ALOXE3: variants seen among roughly 807,000 people sequenced by gnomAD.
The protein encoded by ALOXE3 is arachidonate epidermal lipoxygenase 3.
ALOXE3 carries 78 observed loss-of-function variants against 87.5 expected under a neutral mutation model. The observed-to-expected ratio is 0.89, with a 90% CI of 0.74 to 1.08. The LOEUF is 1.08. ALOXE3 is among the 50% of genes least tolerant of loss of function. The pLI is 0.00. For synonymous variants in ALOXE3, 363 were observed against 370.8 expected, an observed-to-expected ratio of 0.98 and a Z score of 0.24; for missense variants, 946 against 912.4, an observed-to-expected ratio of 1.04 and a Z score of -0.47.
At chr17:8,105,367 A>G (rs1321674283) in intron 13 of ALOXE3, among the ~76,000 whole-genome samples, 4 of 152,180 alleles carry the variant, frequency 2.6e-5, no homozygotes, top group African/African-American at 9.7e-5. Flanking sequence ...CTACTAATGC[A>G]TCAGCTCCTG....
At chr17:8,117,285 TG>T (rs1267359478) in intron 2 of ALOXE3, among the ~76,000 whole-genome samples, 3 of 152,188 alleles carry the variant, frequency 2.0e-5, no homozygotes, top group Non-Finnish European at 1.5e-5. Context: ...TCGGGCGTCG[TG>T]GCAGGCGCCT....
rs536180428 is a variant in ALOXE3 at position 8,108,607 on chromosome 17, T to C, written c.1563-18A>G. Reference sequence around the variant, plus strand: ...AGACAAAGCTGCAGGAAAGAGATGCTGGTACCACTGGAGTAACCACGGGCT... The same window carrying C: ...AGACAAAGCTGCAGGAAAGAGATGCCGGTACCACTGGAGTAACCACGGGCT... On this transcript the variant is annotated intron_variant, in intron 12 of 15. Transcript: ENST00000448843. The C allele has an allele frequency of 1.3e-5, 21 of 1,607,480 alleles. No individual in the cohort carries two copies. In the Admixed American group the frequency reaches 2.0e-4, roughly 15 times the overall value.
Position 8,118,037 on chromosome 17 carries a change from A to T in ALOXE3, c.-47T>A. The stretch of plus-strand genomic sequence containing the variant: ...CCCCGGCAACGCTGGCCGCAGCAGC[A>T]GCCGGCCTGGAGGAGAAGAGCGGCA... On this transcript the variant is annotated 5_prime_UTR_variant, in exon 2 of 16. Transcript: ENST00000448843. 6.2e-7 allele frequency: 1 copy of T among 1,600,350 alleles called. No individual in the cohort carries two copies. The highest frequency in any genetic ancestry group is 8.5e-7 in the Non-Finnish European group (1 of 1,175,732).
chr17:8,114,630 A>G (rs1598216408), intron 5 of ALOXE3, 21 bp from the exon 6 acceptor site: 2 of 1,613,592 alleles, frequency 1.2e-6, no homozygotes, highest in Admixed American at 1.7e-5. Context: ...GGGGAGTAGA[A>G]AGACAGAAAC....
In ALOXE3 at chr17:8,111,540, C is replaced by G; in HGVS notation, c.785-9G>C. On this transcript the variant is annotated splice_polypyrimidine_tract_variant and intron_variant, in intron 7 of 15. Coordinates refer to ENST00000448843, the MANE Select transcript of ALOXE3 (RefSeq NM_021628.3). ...GTGCTCTGTGACATACTCTGGGATA[C>G]AAGAGAGGGGACCAGTTGGTCTAGA... is the stretch of plus-strand genomic sequence containing the variant. 6.2e-7 allele frequency: 1 copy of G among 1,614,146 alleles called. No homozygotes were observed.
chr17:8,104,220 G>A lies in ALOXE3; in HGVS notation c.1685-5C>T, dbSNP rs1979120927. 1.9e-6 allele frequency: 3 copies of A among 1,611,388 alleles called. No homozygotes were observed. The highest frequency in any genetic ancestry group is 1.3e-5 in the African/African-American group (1 of 74,850). On this transcript the variant is annotated splice_region_variant and splice_polypyrimidine_tract_variant and intron_variant, in intron 13 of 15. Coordinates refer to ENST00000448843, the MANE Select transcript of ALOXE3 (RefSeq NM_021628.3). Reference sequence around the variant, plus strand: ...TGCACAGCCGGCTTGGGAAACCTGGGTGTGGGGAGGAAGGGTAGAGGGTGT... The same window carrying A: ...TGCACAGCCGGCTTGGGAAACCTGGATGTGGGGAGGAAGGGTAGAGGGTGT...
At chr17:8,114,020 C>T (rs563559990) in intron 6 of ALOXE3, among the ~76,000 whole-genome samples, 72 of 141,504 alleles carry the variant, frequency 5.1e-4, no homozygotes, top group East Asian at 1.8e-3. Context: ...AGTGAAACTC[C>T]GTCTCAAAAA....
At chr17:8,109,007 T>G (rs1001556558) in intron 12 of ALOXE3, among the ~76,000 whole-genome samples, 167 bp downstream of exon 12, 6 of 152,146 alleles carry the variant, frequency 3.9e-5, no homozygotes, top group African/African-American at 2.4e-5. Context: ...GGACGGCAGC[T>G]ACCTGCCATT....
chr17:8,116,662 C>T (rs752769450), intron 3 of ALOXE3, 114 bp downstream of exon 3: 223 of 1,266,522 alleles, frequency 1.8e-4, no homozygotes, highest in Middle Eastern at 1.3e-3. Context: ...TACTTGGGAG[C>T]CCAGAGTTTC....
chr17:8,096,268 G>C lies in ALOXE3; in HGVS notation c.*359C>G, dbSNP rs1234802577. 1 of 242,780 alleles carries C rather than the reference G, an allele frequency of 4.1e-6. No individual in the cohort carries two copies. Among genetic ancestry groups the C allele is most frequent in the Non-Finnish European group, 8.1e-6 (1 of 123,636 alleles). The allele number at this position is 242,780 out of a possible 1,614,324, so 15.0% of individuals were successfully genotyped here. A position where few individuals can be genotyped will look rare whatever the true frequency, so the allele number is the denominator to read the frequency against. On this transcript the variant is annotated 3_prime_UTR_variant, in exon 16 of 16. Coordinates refer to ENST00000448843, the MANE Select transcript of ALOXE3 (RefSeq NM_021628.3). ...GGCATGGTAGGAGAAGGAGTTTGGG[G>C]ATTGGGGAGGATGAGGGAGAAAAGC... is the stretch of plus-strand genomic sequence containing the variant.
chr17:8,111,588 C>A (rs747929780), intron 7 of ALOXE3, 57 bp from the exon 8 acceptor site: 14 of 1,575,786 alleles, frequency 8.9e-6, no homozygotes, highest in Non-Finnish European at 1.2e-5. Context: ...AGATCCTAGT[C>A]CTGCCAAGTC....
rs932916672 is a variant in ALOXE3, at chr17:8,109,911, C to T, written c.1392+5G>A. The T allele has an allele frequency of 1.3e-6, 2 of 1,549,070 alleles. No individual in the cohort carries two copies. The highest frequency in any genetic ancestry group is 1.4e-5 in the African/African-American group (1 of 72,978). ...GAGATCAGTGACCCGGCAGGGAGGC[C>T]GCACCTGGTCCACGAGGCCCTCGGG... On this transcript the variant is annotated splice_donor_5th_base_variant and intron_variant, in intron 11 of 15. Transcript: ENST00000448843.
At chr17:8,108,022 A>G (rs1279441386) in intron 13 of ALOXE3, among the ~76,000 whole-genome samples, 1 of 79,924 alleles carries the variant, frequency 1.3e-5, no homozygotes, top group South Asian at 3.5e-4. Context: ...AAAGAAAGAA[A>G]GAAAGAAAGA....
chr17:8,101,140 A>C (rs1978899513), intron 15 of ALOXE3, among the ~76,000 whole-genome samples: 1 of 150,360 alleles, frequency 6.7e-6, no homozygotes, highest in Non-Finnish European at 1.5e-5. Context: ...TGATTCTCTT[A>C]CCTCAGCCTT....
chr17:8,104,953 A>T (rs1979183468), intron 13 of ALOXE3, among the ~76,000 whole-genome samples: 1 of 151,966 alleles, frequency 6.6e-6, no homozygotes, highest in Non-Finnish European at 1.5e-5. Context: ...ACAACTCCCA[A>T]ATTCCCTTCT....
chr17:8,096,782 C>A lies in ALOXE3; in HGVS notation c.1981G>T (p.Glu661Ter). 6 of 1,614,174 alleles carry A rather than the reference C, an allele frequency of 3.7e-6. No individual in the cohort carries two copies. The highest frequency in any genetic ancestry group is 4.2e-6 in the Non-Finnish European group (5 of 1,180,036). ...CTCGGGGCCTCCTCTGTGAAGTGCTCATCTGGGTAGGTGCCCAGGGGCCTC... is the reference window on the plus strand; with the variant it reads ...CTCGGGGCCTCCTCTGTGAAGTGCTAATCTGGGTAGGTGCCCAGGGGCCTC... ...DQRPLGTYPD[E>*]HFTEEAPRRS... Residue 661 changes from glutamate to a stop codon, truncating the protein, a stop_gained, in exon 16 of 16, where the codon GAG (glutamate) becomes TAG (stop). Coordinates refer to ENST00000448843, the MANE Select transcript of ALOXE3 (RefSeq NM_021628.3). LOFTEE classifies it high-confidence loss of function.
At chr17:8,112,546 C>T (rs1980189258) in intron 6 of ALOXE3, among the ~76,000 whole-genome samples, 1 of 152,156 alleles carries the variant, frequency 6.6e-6, no homozygotes, top group Non-Finnish European at 1.5e-5. Flanking sequence ...AGGACAGAGC[C>T]CCAGCTGCCA....
chr17:8,103,976 C>T, intron 14 of ALOXE3, 139 bp downstream of exon 14: 1 of 728,502 alleles, frequency 1.4e-6, no homozygotes, highest in Non-Finnish European at 2.4e-6. Flanking sequence ...ACCCTTCACC[C>T]CACTCAGCTG....
intron 3 of ALOXE3, 80 bp from the exon 4 acceptor site, chr17:8,115,768 C>T: frequency 7.2e-7 from 1 of 1,392,520 alleles, no homozygotes; most frequent in African/African-American, 1.4e-5. Context: ...AACCCCCTGA[C>T]CCTTGAACCC....
Sources: allele counts gnomAD v4.1 joint callset (sites outside exome capture counted in the v4.1 genomes callset), GRCh38; gene constraint gnomAD v4.1.1; transcripts MANE v1.5; gene names NCBI Gene and HGNC (gene_info 2026-07-23, HGNC 2026-07-21).